WRNIP1: variants seen among roughly 807,000 people sequenced by gnomAD.
WRNIP1 encodes the protein ATPase WRNIP1.
WRNIP1 carries 41 observed loss-of-function variants against 56.1 expected under a neutral mutation model. That is an observed-to-expected ratio of 0.73 (90% confidence interval 0.57 to 0.95). The LOEUF (loss-of-function observed/expected upper bound fraction) is 0.95. Among genes scored for constraint, WRNIP1 ranks in the 40% least tolerant of loss-of-function variants. The pLI is 0.00. For synonymous variants in WRNIP1, 547 were observed against 398.1 expected (o/e 1.37, Z -4.45); for missense variants, 1,170 against 939.4 (o/e 1.25, Z -3.21).
Position 2,766,144 on chromosome 6 carries a change from C to G in WRNIP1, c.522C>G (p.Gly174=), listed in dbSNP as rs1764962397. The G allele has an allele frequency of 3.0e-6, 4 of 1,314,284 alleles. No individual in the cohort carries two copies. Among genetic ancestry groups the G allele is most frequent in the East Asian group, 3.1e-5 (1 of 32,432 alleles). The allele number at this position is 1,314,284 out of a possible 1,614,324, so 81.4% of individuals were successfully genotyped here. ...EEEEAVGDGD[G]DGDADADGED... is the part of the protein sequence containing the mutation. Reference sequence around the variant, plus strand: ...AGGAGGCCGTGGGCGACGGCGATGGCGACGGGGACGCGGACGCGGACGGCG... The same window carrying G: ...AGGAGGCCGTGGGCGACGGCGATGGGGACGGGGACGCGGACGCGGACGGCG... The change falls in exon 1 of 7, where the codon GGC becomes GGG. Residue 174 remains glycine, a synonymous_variant. Transcript: ENST00000380773.
rs1256354331 is a variant in WRNIP1 at position 2,768,778 on chromosome 6, G to C, written c.910G>C (p.Asp304His). The C allele has an allele frequency of 6.2e-7, 1 of 1,613,932 alleles. No homozygotes were observed. Among genetic ancestry groups the C allele is most frequent in the South Asian group, 1.1e-5 (1 of 91,036 alleles). The stretch of plus-strand genomic sequence containing the variant: ...ATCTGCAACAAATGCCAAGACAAAT[G>C]ATGTGCGAGATGTCATAAAACAAGC... ...TLSATNAKTN[D>H]VRDVIKQAQN... The change falls in exon 2 of 7, where the codon GAT (aspartate) becomes CAT (histidine). Residue 304 changes from aspartate to histidine, a missense_variant. Physicochemically the swap from Asp to His is moderately conservative, Grantham distance 81. Coordinates refer to ENST00000380773, the MANE Select transcript of WRNIP1 (RefSeq NM_020135.3).
intron 3 of WRNIP1, among the ~76,000 whole-genome samples, chr6:2,772,599 C>A (rs1375892094): frequency 6.6e-6 from 1 of 152,230 alleles, no homozygotes; most frequent in Admixed American, 6.5e-5. Context: ...TTGCCCTTTT[C>A]ATCAGCAGCA....
In WRNIP1 at chr6:2,785,289, A is replaced by G; in HGVS notation, c.*7A>G. The G allele has an allele frequency of 6.2e-7, 1 of 1,609,970 alleles. No homozygotes were observed. Among genetic ancestry groups the G allele is most frequent in the Admixed American group, 1.7e-5 (1 of 59,876 alleles). ...CAAGCAGAGGAGGTGCTGACTCCTC[A>G]GGGCACGACAGCAGAAGGATGTTGC... On this transcript the variant is annotated 3_prime_UTR_variant, in exon 7 of 7. Coordinates refer to ENST00000380773, the MANE Select transcript of WRNIP1 (RefSeq NM_020135.3).
chr6:2,776,469 G>A (rs1451339784), intron 3 of WRNIP1, among the ~76,000 whole-genome samples: 1 of 152,182 alleles, frequency 6.6e-6, no homozygotes. Flanking sequence ...GGAGTGGCGC[G>A]AGCTCAGGTA....
chr6:2,770,617 G>C (rs2113460515), intron 3 of WRNIP1, among the ~76,000 whole-genome samples: 1 of 152,262 alleles, frequency 6.6e-6, no homozygotes, highest in Middle Eastern at 3.4e-3. Context: ...TTGCTTTGTT[G>C]TTTTGGTTCT....
At chr6:2,767,429 C>T (rs1251068592) in intron 1 of WRNIP1, among the ~76,000 whole-genome samples, 11 of 152,216 alleles carry the variant, frequency 7.2e-5, no homozygotes, top group Admixed American at 6.5e-4. Flanking sequence ...TCCTATTTTT[C>T]TTTCTAGCTT....
chr6:2,772,557 C>G lies in WRNIP1; in HGVS notation c.1256+2196C>G, dbSNP rs1359952589. ...ATTATCCAGCATAAGGGATAATTACCCAGGTATCAAGAGCCTTTTTCTTTA... is the reference window on the plus strand; with the variant it reads ...ATTATCCAGCATAAGGGATAATTACGCAGGTATCAAGAGCCTTTTTCTTTA... On this transcript the variant is annotated intron_variant, in intron 3 of 6. Transcript: ENST00000380773. Among the ~76,000 whole-genome samples, 4 of 152,096 alleles carry G rather than the reference C, an allele frequency of 2.6e-5. No homozygotes were observed. The East Asian group carries it at 7.7e-4, about 29-fold the overall frequency.
At chr6:2,771,278 G>T (rs1177195455) in intron 3 of WRNIP1, among the ~76,000 whole-genome samples, 1 of 152,322 alleles carries the variant, frequency 6.6e-6, no homozygotes, top group East Asian at 1.9e-4. Context: ...CTCCCTATGT[G>T]TCTGGCCCCA....
chr6:2,773,279 G>C (rs988408327), intron 3 of WRNIP1: 4 of 985,292 alleles, frequency 4.1e-6, no homozygotes, highest in Non-Finnish European at 4.8e-6. Context: ...GCTTGTTCCT[G>C]TGCCTTCAGA....
At chr6:2,773,953 T>C (rs1346592096) in intron 3 of WRNIP1, 1 of 985,124 alleles carries the variant, frequency 1.0e-6, no homozygotes, top group East Asian at 1.1e-4. Flanking sequence ...GGCTTTTCTC[T>C]AATCATCTGG....
At chr6:2,771,355 C>T (rs566240822) in intron 3 of WRNIP1, among the ~76,000 whole-genome samples, 29 of 152,160 alleles carry the variant, frequency 1.9e-4, no homozygotes, top group African/African-American at 6.5e-4. Context: ...ACATTTGGCC[C>T]GTGGACCACT....
At chr6:2,770,032 A>C in intron 2 of WRNIP1, 88 bp from the exon 3 acceptor site, 1 of 1,557,314 alleles carries the variant, frequency 6.4e-7, no homozygotes, top group South Asian at 1.2e-5. Context: ...AAATGAGGAA[A>C]AGGAAGGAAG....
At chr6:2,784,289 T>C (rs1341437515) in intron 5 of WRNIP1, 35 bp from the exon 6 acceptor site, 2 of 1,600,330 alleles carry the variant, frequency 1.2e-6, no homozygotes, top group African/African-American at 1.3e-5. Flanking sequence ...GTGTGTGTCA[T>C]GACTGAAACT....
intron 3 of WRNIP1, among the ~76,000 whole-genome samples, chr6:2,770,844 C>G (rs1765254554): frequency 6.6e-6 from 1 of 151,858 alleles, no homozygotes; most frequent in South Asian, 2.1e-4. Flanking sequence ...TAACTTGTAA[C>G]CTTAAAATTA....
At position 2,765,450 on chromosome 6, in the gene WRNIP1, G is replaced by C; in HGVS notation, c.-173G>C. On this transcript the variant is annotated 5_prime_UTR_variant, in exon 1 of 7. Transcript: ENST00000380773. ...AGCGGCCGGCCGAGGGCGGGCGGAC[G>C]CGGGAGCTGCGGACGTGAGGCATGA... is the stretch of plus-strand genomic sequence containing the variant. The C allele has an allele frequency of 1.3e-6, 1 of 755,202 alleles. No homozygotes were observed. The highest frequency in any genetic ancestry group is 6.0e-5 in the South Asian group (1 of 16,682). 46.8% of individuals were successfully genotyped at this position (755,202 alleles called of 1,614,324 possible). A position where few individuals can be genotyped will look rare whatever the true frequency, so the allele number is the denominator to read the frequency against.
At chr6:2,773,002 A>G (rs1009539742) in intron 3 of WRNIP1, 20 of 985,432 alleles carry the variant, frequency 2.0e-5, no homozygotes, top group Middle Eastern at 5.2e-4. Context: ...CAACTAGAAC[A>G]TTTACAGAGA....
intron 4 of WRNIP1, among the ~76,000 whole-genome samples, chr6:2,780,235 T>C (rs970858349): frequency 3.9e-5 from 6 of 152,242 alleles, no homozygotes; most frequent in Non-Finnish European, 7.3e-5. Flanking sequence ...CTGTGGAATA[T>C]AATTTCCACA....
At chr6:2,770,462 A>T (rs764030971) in intron 3 of WRNIP1, 101 bp downstream of exon 3, 5 of 1,482,218 alleles carry the variant, frequency 3.4e-6, no homozygotes, top group Non-Finnish European at 4.5e-6. Context: ...GAGGGTGGGG[A>T]CAGAGAAGAA....
At chr6:2,784,027 G>A (rs796467570) in intron 5 of WRNIP1, among the ~76,000 whole-genome samples, 62 of 152,194 alleles carry the variant, frequency 4.1e-4, no homozygotes, top group African/African-American at 1.5e-3. Flanking sequence ...TTCCATCCTG[G>A]TGAATGTCTC....
Sources: allele counts gnomAD v4.1 joint callset (sites outside exome capture counted in the v4.1 genomes callset), GRCh38; gene constraint gnomAD v4.1.1; transcripts MANE v1.5; gene names NCBI Gene and HGNC (gene_info 2026-07-23, HGNC 2026-07-21).